The following MXI1 variants were observed in gnomAD, a reference collection of about 807,000 sequenced individuals.
MXI1 encodes the protein MAX interactor 1, dimerization protein, also known as max-interacting protein 1.
A neutral mutation model predicts 36.9 loss-of-function variants in MXI1; 18 were observed. The observed-to-expected ratio is 0.49, with a 90% CI of 0.34 to 0.72. MXI1 has a LOEUF of 0.72. Among genes scored for constraint, MXI1 ranks in the 30% least tolerant of loss-of-function variants. The probability of loss-of-function intolerance (pLI) is 0.01; values close to 1 mark genes in which losing one functional copy is unlikely to be tolerated. For synonymous variants in MXI1, 160 were observed against 146.7 expected (o/e 1.09, Z -0.65); for missense variants, 304 against 379.1 (o/e 0.80, Z 1.64).
intron 1 of MXI1, among the ~76,000 whole-genome samples, chr10:110,215,600 G>T (rs762920086): frequency 2.6e-5 from 4 of 152,180 alleles, no homozygotes; most frequent in African/African-American, 4.8e-5. Flanking sequence ...CATAAAGTCA[G>T]CAATTTTCAA....
intron 2 of MXI1, among the ~76,000 whole-genome samples, chr10:110,229,389 G>A (rs1482450474): frequency 6.6e-6 from 1 of 152,126 alleles, no homozygotes; most frequent in Non-Finnish European, 1.5e-5. Flanking sequence ...CAGGTGGTTG[G>A]TTAGTCATTT....
chr10:110,279,899 A>G lies in MXI1; in HGVS notation c.553-15A>G, dbSNP rs770975700. ...TGGACTATACACAAATGTAAAAATC[A>G]TTTCATCATTTCAGAAACTTGAAGA... On this transcript the variant is annotated splice_polypyrimidine_tract_variant and intron_variant, in intron 4 of 5. Coordinates refer to ENST00000332674, the MANE Select transcript of MXI1 (RefSeq NM_130439.3). 2 of 1,594,302 alleles carry G rather than the reference A, an allele frequency of 1.3e-6. No individual in the cohort carries two copies. The highest frequency in any genetic ancestry group is 4.5e-5 in the East Asian group (2 of 44,774).
At chr10:110,235,452 C>CT (rs989021538) in intron 2 of MXI1, among the ~76,000 whole-genome samples, 3 of 152,088 alleles carry the variant, frequency 2.0e-5, no homozygotes, top group African/African-American at 7.2e-5. Flanking sequence ...CTTTGGGAGG[C>CT]TGAGGCCAGC....
At position 110,279,235 on chromosome 10, in the gene MXI1, C is replaced by T. The variant is rs1857149649; in HGVS notation, c.493C>T (p.Pro165Ser). Reference sequence around the variant, plus strand: ...CTTAAAAGTTCTGATTCCACTAGGACCAGACTGCACCCGGCACACAACACT... The same window carrying T: ...CTTAAAAGTTCTGATTCCACTAGGATCAGACTGCACCCGGCACACAACACT... The part of the protein sequence containing the change: ...ERLKVLIPLG[P>S]DCTRHTTLGL... Residue 165 changes from proline to serine, a missense_variant, in exon 4 of 6, where the codon CCA becomes TCA. Physicochemically the swap from Pro to Ser is moderately conservative, Grantham distance 74. This residue lies in a region of MXI1 where 125 missense variants were observed against 194.3 expected (regional missense o/e 0.64). Transcript: ENST00000332674. The T allele has an allele frequency of 1.2e-6, 2 of 1,614,070 alleles. No homozygotes were observed. Among genetic ancestry groups the T allele is most frequent in the Non-Finnish European group, 1.7e-6 (2 of 1,180,030 alleles).
chr10:110,230,368 G>C (rs1199823564), intron 2 of MXI1, among the ~76,000 whole-genome samples: 1 of 152,170 alleles, frequency 6.6e-6, no homozygotes, highest in Non-Finnish European at 1.5e-5. Flanking sequence ...AGCATAGCAT[G>C]TCGGAAAATT....
chr10:110,276,843 CTTTTTTTT>C (rs919282794), intron 3 of MXI1, among the ~76,000 whole-genome samples: 1 of 140,384 alleles, frequency 7.1e-6, no homozygotes, highest in African/African-American at 2.6e-5. Flanking sequence ...CTTTTCTTTT[CTTTTTTTT>C]TTTTTTTCTT....
At chr10:110,239,973 T>C (rs1855611535) in intron 2 of MXI1, among the ~76,000 whole-genome samples, 1 of 152,032 alleles carries the variant, frequency 6.6e-6, no homozygotes, top group African/African-American at 2.4e-5. Flanking sequence ...TGCCATAATT[T>C]AGTTTTGCCA....
intron 2 of MXI1, among the ~76,000 whole-genome samples, chr10:110,239,041 A>G (rs1855572205): frequency 6.6e-6 from 1 of 152,154 alleles, no homozygotes; most frequent in African/African-American, 2.4e-5. Flanking sequence ...TTTTACTGAT[A>G]TTCACTATTT....
chr10:110,256,323 G>C (rs1856291587), intron 3 of MXI1, among the ~76,000 whole-genome samples: 1 of 152,132 alleles, frequency 6.6e-6, no homozygotes, highest in Non-Finnish European at 1.5e-5. Context: ...ATCAAAGTGA[G>C]CTGGGCATGG....
Position 110,207,795 on chromosome 10 carries a change from A to G in MXI1, c.-14A>G, listed in dbSNP as rs1854399393. The G allele has an allele frequency of 8.9e-7, 1 of 1,127,712 alleles. No individual in the cohort carries two copies. The highest frequency in any genetic ancestry group is 5.0e-5 in the Admixed American group (1 of 19,814). The allele number at this position is 1,127,712 out of a possible 1,614,324, so 69.9% of individuals were successfully genotyped here. On this transcript the variant is annotated 5_prime_UTR_variant, in exon 1 of 6. Transcript: ENST00000332674. The stretch of plus-strand genomic sequence containing the variant: ...CCCCGTTAGAGGACGAGCTCGGCGG[A>G]CCCCCGCTCCTCCATGGGCAAACGC...
At chr10:110,209,682 T>TA (rs1854459077) in intron 1 of MXI1, among the ~76,000 whole-genome samples, 1 of 152,178 alleles carries the variant, frequency 6.6e-6, no homozygotes, top group Non-Finnish European at 1.5e-5. Flanking sequence ...CGCGGGAAGC[T>TA]ATGTGTGCAT....
rs1452218255 is a variant in MXI1, at chr10:110,280,235, G to C, written c.724+150G>C. On this transcript the variant is annotated intron_variant, in intron 5 of 5. Coordinates refer to ENST00000332674, the MANE Select transcript of MXI1 (RefSeq NM_130439.3). ...TGCAATCATAATATTGTCTACAGCA[G>C]TGCCAGTGTGGACTATAAAACTTTT... 7.8e-6 allele frequency: 4 copies of C among 513,206 alleles called. No individual in the cohort carries two copies. In the Admixed American group the frequency reaches 1.7e-4, roughly 22 times the overall value. The allele number at this position is 513,206 out of a possible 1,614,324, so 31.8% of individuals were successfully genotyped here. A position where few individuals can be genotyped will look rare whatever the true frequency, so the allele number is the denominator to read the frequency against.
chr10:110,260,980 T>C (rs772554035), intron 3 of MXI1: 17 of 984,428 alleles, frequency 1.7e-5, no homozygotes, highest in Middle Eastern at 5.2e-4. Context: ...AACTGTATTA[T>C]ATTGTTGTAT....
chr10:110,229,520 A>G (rs1258377023), intron 2 of MXI1, among the ~76,000 whole-genome samples: 1 of 152,196 alleles, frequency 6.6e-6, no homozygotes, highest in East Asian at 1.9e-4. Flanking sequence ...TCACCGAGGA[A>G]AAACTAGGAT....
chr10:110,260,774 T>C (rs1856486081), intron 3 of MXI1, among the ~76,000 whole-genome samples: 1 of 152,084 alleles, frequency 6.6e-6, no homozygotes, highest in South Asian at 2.1e-4. Context: ...TGGATAGATA[T>C]AGATACAAAT....
chr10:110,250,270 C>T (rs1054904620), intron 3 of MXI1, among the ~76,000 whole-genome samples: 1 of 152,100 alleles, frequency 6.6e-6, no homozygotes, highest in South Asian at 2.1e-4. Context: ...CCTAGGCCCA[C>T]AACAGGTCAT....
At position 110,235,690 on chromosome 10, in the gene MXI1, A is replaced by AAAAAAAAT. The variant is rs1451267986; in HGVS notation, c.407+7372_407+7373insAAAATAAA. 6.4e-4 allele frequency among the ~76,000 whole-genome samples: 96 copies of AAAAAAAAT among 149,198 alleles called. 1 individual carries two copies. Among genetic ancestry groups the AAAAAAAAT allele is most frequent in the Admixed American group, 1.4e-3 (21 of 15,030 alleles). Reference sequence around the variant, plus strand: ...GTGACAGAGCAAGACTCTGTCTCAAAAAATAAATAAATAAATAAATAAATA... The same window carrying AAAAAAAAT: ...GTGACAGAGCAAGACTCTGTCTCAAAAAAAAAATAAATAAATAAATAAATAAATAAATA... On this transcript the variant is annotated intron_variant, in intron 2 of 5. Coordinates refer to ENST00000332674, the MANE Select transcript of MXI1 (RefSeq NM_130439.3).
At chr10:110,210,047 C>T (rs1455475489) in intron 1 of MXI1, among the ~76,000 whole-genome samples, 2 of 141,160 alleles carry the variant, frequency 1.4e-5, no homozygotes, top group Non-Finnish European at 3.1e-5. Flanking sequence ...CCCCCCACCC[C>T]CCACCCCGCC....
At chr10:110,227,205 GT>G in intron 1 of MXI1, 1 of 437,464 alleles carries the variant, frequency 2.3e-6, no homozygotes, top group Non-Finnish European at 2.9e-6. Context: ...GGTCGCGCGT[GT>G]GTGAGGGGTG....
Sources: allele counts gnomAD v4.1 joint callset (sites outside exome capture counted in the v4.1 genomes callset), GRCh38; gene constraint gnomAD v4.1.1; regional missense constraint gnomAD v4.1.1; transcripts MANE v1.5; gene names NCBI Gene and HGNC (gene_info 2026-07-23, HGNC 2026-07-21).